The following CNBD1 variants were observed in gnomAD, a reference collection of about 807,000 sequenced individuals.
The protein encoded by CNBD1 is cyclic nucleotide-binding domain-containing protein 1.
A neutral mutation model predicts 54.4 loss-of-function variants in CNBD1; 71 were observed. The ratio of observed to expected loss-of-function variants is 1.30; its 90% CI spans 1.08 to 1.59. CNBD1 has a LOEUF of 1.59. Among genes scored for constraint, CNBD1 ranks in the 40% most tolerant of loss-of-function variants. CNBD1 has a pLI of 0.00. For synonymous variants in CNBD1, 182 were observed against 170.7 expected (o/e 1.07, Z -0.51); for missense variants, 659 against 518.0 (o/e 1.27, Z -2.64).
intron 2 of CNBD1, among the ~76,000 whole-genome samples, chr8:87,402,425 G>A (rs1807580325): frequency 6.6e-6 from 1 of 152,034 alleles, no homozygotes; most frequent in African/African-American, 2.4e-5. Context: ...CTGGATTAAT[G>A]TACATCAATT....
intron 2 of CNBD1, among the ~76,000 whole-genome samples, chr8:87,421,807 G>T (rs1287544250): frequency 7.0e-6 from 1 of 143,164 alleles, no homozygotes; most frequent in African/African-American, 2.7e-5. Flanking sequence ...GGATGGCTGG[G>T]TCAAATGGTA....
intron 2 of CNBD1, among the ~76,000 whole-genome samples, chr8:87,425,953 G>T (rs912675843): frequency 3.9e-5 from 6 of 152,208 alleles, no homozygotes; most frequent in Admixed American, 1.3e-4. Context: ...TCAGACTGCT[G>T]TGCTAGCAAT....
At chr8:87,419,052 G>A (rs2078511) in intron 2 of CNBD1, among the ~76,000 whole-genome samples, 85,992 of 151,614 alleles carry the variant, frequency 0.57, 25,907 homozygotes, top group African/African-American at 0.77. Flanking sequence ...TAAACAACCT[G>A]AATGTTCACC....
intron 4 of CNBD1, among the ~76,000 whole-genome samples, chr8:87,083,675 G>A (rs1250630930): frequency 7.6e-5 from 11 of 143,926 alleles, no homozygotes; most frequent in African/African-American, 1.0e-4. Context: ...TGCAAGCTCC[G>A]CCTCCCGGGT....
At chr8:86,868,765 A>G (rs1808399499) in intron 1 of CNBD1, among the ~76,000 whole-genome samples, 1 of 152,226 alleles carries the variant, frequency 6.6e-6, no homozygotes. Flanking sequence ...TAACGGTCCC[A>G]GTGATATCCA....
intron 4 of CNBD1, among the ~76,000 whole-genome samples, chr8:86,987,445 A>G (rs1477831803): frequency 1.3e-5 from 2 of 152,142 alleles, no homozygotes; most frequent in African/African-American, 2.4e-5. Context: ...TCATAATGTC[A>G]ATAAAGAGAG....
intron 2 of CNBD1, among the ~76,000 whole-genome samples, chr8:87,422,472 A>C (rs1807957675): frequency 1.3e-5 from 2 of 151,464 alleles, no homozygotes; most frequent in Admixed American, 6.6e-5. Context: ...GAAGGGATTC[A>C]GTTTCAGCTT....
chr8:86,920,074 C>G (rs2131823633), intron 3 of CNBD1, among the ~76,000 whole-genome samples: 1 of 151,994 alleles, frequency 6.6e-6, no homozygotes, highest in South Asian at 2.1e-4. Context: ...GAGAATTTAG[C>G]CCACATTTTA....
At chr8:87,249,920 A>T (rs1479786574) in intron 6 of CNBD1, among the ~76,000 whole-genome samples, 1 of 152,216 alleles carries the variant, frequency 6.6e-6, no homozygotes, top group Non-Finnish European at 1.5e-5. Context: ...CTGAACAAAG[A>T]TTTCTTGAGT....
intron 4 of CNBD1, among the ~76,000 whole-genome samples, chr8:86,943,725 A>T (rs1807393937): frequency 6.6e-6 from 1 of 152,086 alleles, no homozygotes; most frequent in Admixed American, 6.6e-5. Context: ...TATCAGATTG[A>T]ATATAAGCTT....
chr8:87,092,157 C>T (rs1004317857), intron 4 of CNBD1, among the ~76,000 whole-genome samples: 2 of 152,148 alleles, frequency 1.3e-5, no homozygotes, highest in African/African-American at 4.8e-5. Flanking sequence ...TATTTCACCT[C>T]TAACTCTAGT....
At chr8:87,195,476 C>T (rs186865107) in intron 4 of CNBD1, among the ~76,000 whole-genome samples, 3 of 151,834 alleles carry the variant, frequency 2.0e-5, no homozygotes, top group Admixed American at 6.5e-5. Flanking sequence ...GATCCACCCA[C>T]CTTGGCCTCC....
At chr8:87,426,770 A>G (rs985977288) in intron 2 of CNBD1, among the ~76,000 whole-genome samples, 4 of 152,108 alleles carry the variant, frequency 2.6e-5, no homozygotes, top group African/African-American at 9.7e-5. Context: ...ATCAAATTTG[A>G]GTTTCCTTGG....
intron 3 of CNBD1, among the ~76,000 whole-genome samples, chr8:86,935,046 TTTA>T (rs1218083944): frequency 1.3e-5 from 2 of 149,000 alleles, no homozygotes; most frequent in African/African-American, 4.9e-5. Context: ...TATTTATTTA[TTTA>T]TTTTGAGACA....
At chr8:87,309,662 C>T (rs1809224777) in intron 8 of CNBD1, among the ~76,000 whole-genome samples, 1 of 152,052 alleles carries the variant, frequency 6.6e-6, no homozygotes, top group Non-Finnish European at 1.5e-5. Flanking sequence ...ATCTTTATCA[C>T]TTATACCTAT....
chr8:87,378,890 C>G (rs894546308), intron 10 of CNBD1, among the ~76,000 whole-genome samples: 4 of 148,912 alleles, frequency 2.7e-5, no homozygotes, highest in African/African-American at 1.0e-4. Flanking sequence ...AGTTGGATTC[C>G]TAGGTATTTT....
intron 8 of CNBD1, among the ~76,000 whole-genome samples, chr8:87,327,339 G>C (rs897199169): frequency 1.3e-5 from 2 of 150,312 alleles, no homozygotes; most frequent in Non-Finnish European, 3.0e-5. Context: ...CACCCAGTTC[G>C]AGCTTCCCGG....
At chr8:87,039,555 TA>T in intron 4 of CNBD1, among the ~76,000 whole-genome samples, 2 of 152,104 alleles carry the variant, frequency 1.3e-5, no homozygotes, top group South Asian at 2.1e-4. Context: ...TTTCTTTTGT[TA>T]AAAAAAATGT....
intron 10 of CNBD1, among the ~76,000 whole-genome samples, chr8:87,362,132 C>A (rs1466581324): frequency 6.6e-6 from 1 of 152,016 alleles, no homozygotes; most frequent in Non-Finnish European, 1.5e-5. Context: ...CAAAAATGAG[C>A]TTTCTCAGTC....
Sources: allele counts gnomAD v4.1 joint callset (sites outside exome capture counted in the v4.1 genomes callset), GRCh38; gene constraint gnomAD v4.1.1; transcripts MANE v1.5; gene names NCBI Gene and HGNC (gene_info 2026-07-23, HGNC 2026-07-21).